IMMP2L: variants seen among roughly 807,000 people sequenced by gnomAD.
IMMP2L encodes mitochondrial inner membrane protease subunit 2.
A neutral mutation model predicts 19.3 loss-of-function variants in IMMP2L; 18 were observed. That is an observed-to-expected ratio of 0.93 (90% CI 0.64 to 1.38). IMMP2L has a LOEUF of 1.38. IMMP2L is among the 40% of genes most tolerant of loss of function. The pLI is 0.00. For synonymous variants in IMMP2L, 76 were observed against 73.0 expected (o/e 1.04, Z -0.21); for missense variants, 233 against 218.2 (o/e 1.07, Z -0.43).
intron 3 of IMMP2L, among the ~76,000 whole-genome samples, chr7:111,268,565 T>TTCTC (rs1562987578): frequency 2.1e-4 from 27 of 129,446 alleles, no homozygotes; most frequent in African/African-American, 8.5e-4. Flanking sequence ...AACTTCACAT[T>TTCTC]TCTCTTTTTT....
At chr7:111,293,693 C>A (rs565869212) in intron 3 of IMMP2L, among the ~76,000 whole-genome samples, 1 of 151,828 alleles carries the variant, frequency 6.6e-6, no homozygotes, top group African/African-American at 2.4e-5. Flanking sequence ...ACATTCACAA[C>A]GTGAATAAAT....
intron 3 of IMMP2L, among the ~76,000 whole-genome samples, chr7:111,283,077 T>TA (rs542568974): frequency 3.9e-4 from 60 of 152,170 alleles, no homozygotes; most frequent in African/African-American, 1.4e-3. Context: ...TTCTAGGCCA[T>TA]AAAAAAACCT....
intron 3 of IMMP2L, among the ~76,000 whole-genome samples, chr7:111,436,377 A>G (rs1837164554): frequency 6.6e-6 from 1 of 151,812 alleles, no homozygotes; most frequent in South Asian, 2.1e-4. Flanking sequence ...CTAAAAAGGT[A>G]TACTTTTAAC....
At chr7:111,016,881 T>A (rs1405009915) in intron 3 of IMMP2L, among the ~76,000 whole-genome samples, 1 of 91,252 alleles carries the variant, frequency 1.1e-5, no homozygotes, top group Non-Finnish European at 1.9e-5. Context: ...ATATAATATA[T>A]ATTATATATA....
At chr7:110,677,470 C>T (rs2130405364) in intron 5 of IMMP2L, among the ~76,000 whole-genome samples, 1 of 152,106 alleles carries the variant, frequency 6.6e-6, no homozygotes, top group East Asian at 1.9e-4. Flanking sequence ...AGCCTATTAT[C>T]TACTTACACA....
intron 4 of IMMP2L, among the ~76,000 whole-genome samples, chr7:110,938,043 T>A (rs1046308863): frequency 6.6e-6 from 1 of 152,090 alleles, no homozygotes; most frequent in Non-Finnish European, 1.5e-5. Flanking sequence ...TCCTCACACC[T>A]TCCTCCCAGG....
chr7:111,127,820 T>C (rs2129592265), intron 3 of IMMP2L, among the ~76,000 whole-genome samples: 1 of 152,292 alleles, frequency 6.6e-6, no homozygotes, highest in South Asian at 2.1e-4. Flanking sequence ...GGCACAAAAA[T>C]AATTTTTGAA....
intron 5 of IMMP2L, among the ~76,000 whole-genome samples, chr7:110,861,260 A>C (rs571064815): frequency 5.0e-4 from 76 of 152,150 alleles, no homozygotes; most frequent in African/African-American, 1.7e-3. Flanking sequence ...CCATTAATAT[A>C]ATGCTTTTTG....
At chr7:110,984,531 G>A (rs187748914) in intron 3 of IMMP2L, among the ~76,000 whole-genome samples, 2 of 152,094 alleles carry the variant, frequency 1.3e-5, no homozygotes, top group Admixed American at 1.3e-4. Flanking sequence ...TTGTAATAGG[G>A]ACTAAATTTG....
chr7:110,835,165 A>G (rs1030391480), intron 5 of IMMP2L, among the ~76,000 whole-genome samples: 2 of 152,206 alleles, frequency 1.3e-5, no homozygotes, highest in Non-Finnish European at 2.9e-5. Context: ...TGTTTGCTTC[A>G]CCTAACAATA....
chr7:111,358,520 T>C (rs1255866627), intron 3 of IMMP2L, among the ~76,000 whole-genome samples: 1 of 151,954 alleles, frequency 6.6e-6, no homozygotes, highest in African/African-American at 2.4e-5. Flanking sequence ...CTAAGCTCAA[T>C]TAGAAGTCAG....
chr7:111,429,698 T>C (rs960339544), intron 3 of IMMP2L, among the ~76,000 whole-genome samples: 9 of 151,942 alleles, frequency 5.9e-5, no homozygotes, highest in African/African-American at 1.9e-4. Flanking sequence ...GTTTCTTAAA[T>C]TGAGACTCCC....
At chr7:110,922,341 A>T (rs1031379207) in intron 4 of IMMP2L, among the ~76,000 whole-genome samples, 3 of 152,178 alleles carry the variant, frequency 2.0e-5, no homozygotes, top group Admixed American at 6.6e-5. Context: ...AAATACTAAG[A>T]TGTTTGTCAA....
At chr7:110,867,110 C>T (rs78524388) in intron 5 of IMMP2L, among the ~76,000 whole-genome samples, 7 of 151,876 alleles carry the variant, frequency 4.6e-5, no homozygotes, top group Non-Finnish European at 1.0e-4. Flanking sequence ...AATAAAATAC[C>T]ACAGACTGGG....
intron 3 of IMMP2L, among the ~76,000 whole-genome samples, chr7:111,393,326 G>A (rs886841943): frequency 1.1e-4 from 16 of 152,008 alleles, no homozygotes; most frequent in African/African-American, 3.6e-4. Context: ...CTTTTTCACA[G>A]ATCTTACAAG....
chr7:110,785,814 T>C (rs1528043), intron 5 of IMMP2L, among the ~76,000 whole-genome samples: 146,194 of 152,032 alleles, frequency 0.96, 70,304 homozygotes, highest in East Asian at 0.98. Flanking sequence ...GGTAATAAAA[T>C]TTCAAGAAAC....
At chr7:111,559,071 C>A (rs4591961) in intron 1 of IMMP2L, among the ~76,000 whole-genome samples, 118,607 of 151,988 alleles carry the variant, frequency 0.78, 47,920 homozygotes, top group East Asian at 0.97. Context: ...TGTCATTTGA[C>A]TAAAACATCA....
chr7:110,865,884 A>C (rs2129543313), intron 5 of IMMP2L, among the ~76,000 whole-genome samples: 1 of 152,002 alleles, frequency 6.6e-6, no homozygotes, highest in African/African-American at 2.4e-5. Context: ...ACATCAGTAT[A>C]CTTAAGTATA....
intron 3 of IMMP2L, among the ~76,000 whole-genome samples, chr7:111,172,703 G>C (rs1015833775): frequency 2.6e-5 from 4 of 151,330 alleles, no homozygotes; most frequent in Non-Finnish European, 4.4e-5. Flanking sequence ...ATTTCTATGA[G>C]ATCAACTTTT....
Sources: allele counts gnomAD v4.1 joint callset (sites outside exome capture counted in the v4.1 genomes callset), GRCh38; gene constraint gnomAD v4.1.1; transcripts MANE v1.5; gene names NCBI Gene and HGNC (gene_info 2026-07-23, HGNC 2026-07-21).